Variants in FMNL2 observed in about 807,000 individuals in gnomAD.
FMNL2 encodes the protein formin-like protein 2.
Under a neutral mutation model 130.2 loss-of-function variants are expected in FMNL2, and 51 were observed. That is an observed-to-expected ratio of 0.39 (90% CI 0.31 to 0.49). FMNL2 has a LOEUF of 0.49. Ranked by LOEUF, FMNL2 falls within the 20% of genes least tolerant of loss-of-function variation. The pLI is 0.85. For synonymous variants in FMNL2, 465 were observed against 467.1 expected, an observed-to-expected ratio of 1.00 and a Z score of 0.06; for missense variants, 977 against 1,316.2, an observed-to-expected ratio of 0.74 and a Z score of 3.99.
At chr2:152,557,020 A>G (rs768964368) in intron 4 of FMNL2, among the ~76,000 whole-genome samples, 7 of 152,202 alleles carry the variant, frequency 4.6e-5, no homozygotes, top group Non-Finnish European at 8.8e-5. Flanking sequence ...AAGATTTTCT[A>G]ATCATCAGAT....
chr2:152,438,723 T>C (rs973565031), intron 1 of FMNL2, among the ~76,000 whole-genome samples: 1 of 152,124 alleles, frequency 6.6e-6, no homozygotes, highest in Non-Finnish European at 1.5e-5. Flanking sequence ...GAGGGCTCTT[T>C]GGTTTAGCAA....
At chr2:152,336,149 C>T (rs1366403325) in intron 1 of FMNL2, among the ~76,000 whole-genome samples, 1 of 151,786 alleles carries the variant, frequency 6.6e-6, no homozygotes, top group African/African-American at 2.4e-5. Context: ...GACCATCCCT[C>T]GGGCGGCCAG....
intron 1 of FMNL2, among the ~76,000 whole-genome samples, chr2:152,486,038 G>C (rs10195380): frequency 0.33 from 50,120 of 152,012 alleles, 8,555 homozygotes; most frequent in East Asian, 0.57. Flanking sequence ...GAAAGGACCA[G>C]AACTTGGGTA....
intron 13 of FMNL2, among the ~76,000 whole-genome samples, chr2:152,618,109 A>G (rs1699048267): frequency 6.6e-6 from 1 of 152,340 alleles, no homozygotes; most frequent in Non-Finnish European, 1.5e-5. Flanking sequence ...GTTCAGTTCC[A>G]TAAAACCCTT....
At chr2:152,561,110 C>T in intron 6 of FMNL2, 75 bp downstream of exon 6, 2 of 1,443,382 alleles carry the variant, frequency 1.4e-6, no homozygotes, top group South Asian at 2.8e-5. Flanking sequence ...TTTGATGATT[C>T]TGGGCACTGT....
At chr2:152,445,005 G>T (rs114160377) in intron 1 of FMNL2, among the ~76,000 whole-genome samples, 2,038 of 152,336 alleles carry the variant, frequency 0.013, 44 homozygotes, top group African/African-American at 0.047. Flanking sequence ...AGTTGGGGGA[G>T]GTATCTTGCT....
At chr2:152,466,946 C>T (rs559996937) in intron 1 of FMNL2, among the ~76,000 whole-genome samples, 10 of 152,286 alleles carry the variant, frequency 6.6e-5, no homozygotes, top group Admixed American at 5.2e-4. Flanking sequence ...CCGATTTTGT[C>T]CCTGAAGATT....
Position 152,601,667 on chromosome 2 carries a change from CTTTCT to C in FMNL2, c.877-5668_877-5664del, listed in dbSNP as rs1240226291. Among the ~76,000 whole-genome samples the C allele has an allele frequency of 6.7e-3, 881 of 132,204 alleles. 22 individuals are homozygous for C. The highest frequency in any genetic ancestry group is 0.026 in the African/African-American group (845 of 32,264). 86.7% of individuals were successfully genotyped at this position (132,204 alleles called of 152,430 possible). A position where few individuals can be genotyped will look rare whatever the true frequency, so the allele number is the denominator to read the frequency against. On this transcript the variant is annotated intron_variant, in intron 9 of 25. Transcript: ENST00000288670. ...CTAAGGCTCTCTTTTCTTTTCTTTTCTTTCTTTTTTTTTTTTTTTTGAGACAGAGT... is the reference window on the plus strand; with the variant it reads ...CTAAGGCTCTCTTTTCTTTTCTTTTCTTTTTTTTTTTTTTTGAGACAGAGT...
chr2:152,500,610 G>A (rs1478895575), intron 1 of FMNL2, among the ~76,000 whole-genome samples: 1 of 152,208 alleles, frequency 6.6e-6, no homozygotes, highest in Non-Finnish European at 1.5e-5. Flanking sequence ...AGCACTTGGA[G>A]GTCGAGGTCG....
intron 1 of FMNL2, among the ~76,000 whole-genome samples, chr2:152,409,385 A>G (rs1371375608): frequency 6.6e-6 from 1 of 152,140 alleles, no homozygotes; most frequent in Non-Finnish European, 1.5e-5. Context: ...TAATAAAATC[A>G]TGGTCTCTGC....
intron 9 of FMNL2, among the ~76,000 whole-genome samples, chr2:152,596,286 A>G (rs1697770540): frequency 6.6e-6 from 1 of 152,052 alleles, no homozygotes; most frequent in Non-Finnish European, 1.5e-5. Context: ...ACCTTGGAAA[A>G]TGGTGGAGGG....
intron 9 of FMNL2, among the ~76,000 whole-genome samples, chr2:152,588,362 T>C (rs1257898984): frequency 2.6e-5 from 4 of 152,230 alleles, no homozygotes; most frequent in South Asian, 2.1e-4. Context: ...TCTGTCCTTC[T>C]TCCTTTAAGG....
chr2:152,525,445 C>T (rs540671838), intron 2 of FMNL2, among the ~76,000 whole-genome samples: 7 of 152,240 alleles, frequency 4.6e-5, no homozygotes, highest in Non-Finnish European at 1.0e-4. Context: ...GTTATAAAAG[C>T]TTCCTTCTGT....
chr2:152,358,804 A>G (rs996024726), intron 1 of FMNL2, among the ~76,000 whole-genome samples: 8 of 152,232 alleles, frequency 5.3e-5, no homozygotes, highest in Non-Finnish European at 1.2e-4. Context: ...GTAACGTTAC[A>G]ATCAAAATCC....
Position 152,560,032 on chromosome 2 carries a change from A to G in FMNL2, c.444-851A>G, listed in dbSNP as rs185042247. Among the ~76,000 whole-genome samples, 7 of 152,236 alleles carry G rather than the reference A, an allele frequency of 4.6e-5. No homozygotes were observed. The East Asian group carries it at 7.7e-4, about 17-fold the overall frequency. On this transcript the variant is annotated intron_variant, in intron 5 of 25. Transcript: ENST00000288670. Reference sequence around the variant, plus strand: ...ATAAAAAGTTACACTTTGATTTCCAATATGTATTATTGTTTTTTCTTCTGC... The same window carrying G: ...ATAAAAAGTTACACTTTGATTTCCAGTATGTATTATTGTTTTTTCTTCTGC...
chr2:152,449,641 A>G (rs1414325161), intron 1 of FMNL2, among the ~76,000 whole-genome samples: 1 of 152,134 alleles, frequency 6.6e-6, no homozygotes, highest in African/African-American at 2.4e-5. Context: ...AATAGGCTAA[A>G]TGTTCCTACT....
At chr2:152,553,351 C>T (rs1396915139) in intron 4 of FMNL2, among the ~76,000 whole-genome samples, 1 of 151,952 alleles carries the variant, frequency 6.6e-6, no homozygotes, top group African/African-American at 2.4e-5. Context: ...AGGTACTTTA[C>T]GTTTGTTATT....
chr2:152,517,052 A>T (rs916493419), intron 1 of FMNL2, among the ~76,000 whole-genome samples: 2 of 152,214 alleles, frequency 1.3e-5, no homozygotes, highest in African/African-American at 4.8e-5. Flanking sequence ...AATAGATACC[A>T]ATCTGAATTA....
At chr2:152,647,723 G>T in intron 25 of FMNL2, 73 bp from the exon 26 acceptor site, 1 of 1,422,616 alleles carries the variant, frequency 7.0e-7, no homozygotes. Context: ...TTGGCTGCCA[G>T]CTGGCCTTTG....
Sources: allele counts gnomAD v4.1 joint callset (sites outside exome capture counted in the v4.1 genomes callset), GRCh38; gene constraint gnomAD v4.1.1; transcripts MANE v1.5; gene names NCBI Gene and HGNC (gene_info 2026-07-23, HGNC 2026-07-21).